Variants in CAMKMT observed in about 807,000 individuals in gnomAD.
CAMKMT encodes calmodulin-lysine N-methyltransferase.
CAMKMT carries 53 observed loss-of-function variants against 48.0 expected under a neutral mutation model. The ratio of observed to expected loss-of-function variants is 1.10; its 90% confidence interval spans 0.89 to 1.39. CAMKMT has a LOEUF of 1.39. Among genes scored for constraint, CAMKMT ranks in the 40% most tolerant of loss-of-function variants. The pLI is 0.00. For synonymous variants in CAMKMT, 165 were observed against 152.3 expected (o/e 1.08, Z -0.61); for missense variants, 428 against 402.7 (o/e 1.06, Z -0.54).
intron 3 of CAMKMT, among the ~76,000 whole-genome samples, chr2:44,393,766 C>T (rs531055916): frequency 3.0e-4 from 46 of 152,284 alleles, no homozygotes; most frequent in African/African-American, 1.1e-3. Context: ...AGGGAGTGCT[C>T]TATAAGCATT....
chr2:44,734,970 G>C (rs1024285569), intron 7 of CAMKMT, among the ~76,000 whole-genome samples: 1 of 152,100 alleles, frequency 6.6e-6, no homozygotes, highest in Non-Finnish European at 1.5e-5. Context: ...CAATAATTTG[G>C]TTTCATCTGT....
chr2:44,580,677 G>A (rs1164503592), intron 3 of CAMKMT, among the ~76,000 whole-genome samples: 1 of 152,172 alleles, frequency 6.6e-6, no homozygotes, highest in African/African-American at 2.4e-5. Flanking sequence ...CTAGACCACT[G>A]TAGCTTGATT....
intron 3 of CAMKMT, among the ~76,000 whole-genome samples, chr2:44,403,543 C>A (rs942899944): frequency 2.0e-5 from 3 of 152,294 alleles, no homozygotes; most frequent in Admixed American, 2.0e-4. Flanking sequence ...TGCTTCTTAG[C>A]TTCTCACTAC....
intron 10 of CAMKMT, among the ~76,000 whole-genome samples, chr2:44,768,361 A>ATATAT (rs35058824): frequency 1.4e-3 from 164 of 115,708 alleles, no homozygotes; most frequent in African/African-American, 3.0e-3. Flanking sequence ...ATATATATAT[A>ATATAT]TTTTTTTTTT....
At chr2:44,603,686 A>G (rs1257925319) in intron 3 of CAMKMT, among the ~76,000 whole-genome samples, 3 of 152,220 alleles carry the variant, frequency 2.0e-5, no homozygotes, top group East Asian at 1.9e-4. Flanking sequence ...AATTGGAGTT[A>G]CTTAATAAAA....
At chr2:44,378,420 T>A (rs1679911705) in intron 2 of CAMKMT, among the ~76,000 whole-genome samples, 1 of 152,226 alleles carries the variant, frequency 6.6e-6, no homozygotes, top group African/African-American at 2.4e-5. Flanking sequence ...TTTTAAAATT[T>A]GTAATTTTTA....
intron 3 of CAMKMT, among the ~76,000 whole-genome samples, chr2:44,511,479 G>C (rs187931558): frequency 6.6e-6 from 1 of 152,042 alleles, no homozygotes; most frequent in East Asian, 1.9e-4. Context: ...GGTAGAGACA[G>C]GGTATCACCA....
intron 2 of CAMKMT, among the ~76,000 whole-genome samples, chr2:44,388,524 T>G (rs1680998506): frequency 6.6e-6 from 1 of 152,186 alleles, no homozygotes; most frequent in African/African-American, 2.4e-5. Context: ...GGATTTCTTC[T>G]TGGTCCGGAT....
chr2:44,749,787 C>T (rs1680077783), intron 8 of CAMKMT, among the ~76,000 whole-genome samples: 1 of 152,178 alleles, frequency 6.6e-6, no homozygotes, highest in African/African-American at 2.4e-5. Context: ...GCAACAGCCC[C>T]CTCTGAGCGA....
intron 3 of CAMKMT, among the ~76,000 whole-genome samples, chr2:44,645,800 A>C (rs1558767511): frequency 6.6e-6 from 1 of 152,190 alleles, no homozygotes; most frequent in Admixed American, 6.5e-5. Flanking sequence ...CAGCCTGGGC[A>C]ACAGAGCAAG....
At chr2:44,771,122 T>A (rs991066390) in intron 10 of CAMKMT, among the ~76,000 whole-genome samples, 1 of 152,156 alleles carries the variant, frequency 6.6e-6, no homozygotes, top group Non-Finnish European at 1.5e-5. Flanking sequence ...GAGAGTGTGA[T>A]GTTGAGGCCA....
chr2:44,545,547 G>C (rs1667349291), intron 3 of CAMKMT, among the ~76,000 whole-genome samples: 1 of 151,788 alleles, frequency 6.6e-6, no homozygotes, highest in Non-Finnish European at 1.5e-5. Flanking sequence ...GTTTTGTTTT[G>C]TTTTGTTTTT....
At chr2:44,622,225 G>A (rs1672237481) in intron 3 of CAMKMT, among the ~76,000 whole-genome samples, 1 of 152,142 alleles carries the variant, frequency 6.6e-6, no homozygotes, top group Non-Finnish European at 1.5e-5. Context: ...AAATCTTGAG[G>A]AAAACTTCCA....
intron 7 of CAMKMT, among the ~76,000 whole-genome samples, chr2:44,735,045 C>T (rs114813367): frequency 0.017 from 2,646 of 152,244 alleles, 42 homozygotes; most frequent in Admixed American, 0.034. Context: ...TTATTCAGTG[C>T]GTGAATATTT....
chr2:44,744,976 C>G (rs1422991152), intron 8 of CAMKMT, among the ~76,000 whole-genome samples: 1 of 152,144 alleles, frequency 6.6e-6, no homozygotes, highest in East Asian at 1.9e-4. Flanking sequence ...CAGCCCTCAT[C>G]TAATCAAAAA....
intron 3 of CAMKMT, among the ~76,000 whole-genome samples, chr2:44,586,441 C>T (rs2103793998): frequency 6.6e-6 from 1 of 152,118 alleles, no homozygotes; most frequent in East Asian, 1.9e-4. Flanking sequence ...TCCTTCCTAC[C>T]CTTCCCTAGG....
chr2:44,611,447 A>T (rs1671594666), intron 3 of CAMKMT, among the ~76,000 whole-genome samples: 1 of 152,108 alleles, frequency 6.6e-6, no homozygotes, highest in Non-Finnish European at 1.5e-5. Flanking sequence ...AAGAAAAAAA[A>T]AAAAAGTATC....
intron 10 of CAMKMT, among the ~76,000 whole-genome samples, chr2:44,768,054 C>A (rs1173863971): frequency 6.6e-6 from 1 of 152,200 alleles, no homozygotes; most frequent in Non-Finnish European, 1.5e-5. Context: ...GCACGCCCAC[C>A]TCTCCTCTGT....
intron 10 of CAMKMT, among the ~76,000 whole-genome samples, chr2:44,770,448 T>C (rs1404539280): frequency 6.6e-6 from 1 of 152,262 alleles, no homozygotes; most frequent in Non-Finnish European, 1.5e-5. Context: ...TTATCCCACA[T>C]ATTACCTCAG....
Sources: allele counts gnomAD v4.1 joint callset (sites outside exome capture counted in the v4.1 genomes callset), GRCh38; gene constraint gnomAD v4.1.1; transcripts MANE v1.5; gene names NCBI Gene and HGNC (gene_info 2026-07-23, HGNC 2026-07-21).